The following FBF1 variants were observed in gnomAD, a reference collection of about 807,000 sequenced individuals.
FBF1 encodes the protein Fas binding factor 1, also known as fas-binding factor 1.
FBF1 carries 119 observed loss-of-function variants against 147.2 expected under a neutral mutation model. That is an observed-to-expected ratio of 0.81 (90% CI 0.70 to 0.94). FBF1 has a LOEUF of 0.94. Ranked by LOEUF, FBF1 falls within the 40% of genes least tolerant of loss-of-function variation. The probability of loss-of-function intolerance (pLI) is 0.00; values close to 1 mark genes in which losing one functional copy is unlikely to be tolerated. For synonymous variants in FBF1, 601 were observed against 609.0 expected, an observed-to-expected ratio of 0.99 and a Z score of 0.19; for missense variants, 1,449 against 1,500.8, an observed-to-expected ratio of 0.97 and a Z score of 0.57.
At chr17:75,934,067 C>T (rs2065609701) in intron 4 of FBF1, among the ~76,000 whole-genome samples, 1 of 152,132 alleles carries the variant, frequency 6.6e-6, no homozygotes, top group East Asian at 1.9e-4. Flanking sequence ...CACATGTCCG[C>T]CCAAAAACTA....
intron 28 of FBF1, 77 bp from the exon 29 acceptor site, chr17:75,912,384 G>T: frequency 8.9e-7 from 1 of 1,129,776 alleles, no homozygotes; most frequent in Non-Finnish European, 1.2e-6. Flanking sequence ...TTCCTGCAGA[G>T]CTGCTCCCCC....
rs1255256830 is a variant in FBF1, at chr17:75,923,950, T to C, written c.969-309A>G. ...AAATCAGGCCGAGCACGGTGGCTCA[T>C]GTCTGTAATCCCAGATCTTTGGGAG... On this transcript the variant is annotated intron_variant, in intron 13 of 29. Transcript: ENST00000636174. The surrounding 1 kb of genome is among the most constrained non-coding windows in gnomAD (Gnocchi z 4.1). Among the ~76,000 whole-genome samples, 1 of 152,208 alleles carries C rather than the reference T, an allele frequency of 6.6e-6. No individual in the cohort carries two copies. Among genetic ancestry groups the C allele is most frequent in the East Asian group, 1.9e-4 (1 of 5,174 alleles).
At chr17:75,931,757 T>C (rs1205562927) in intron 5 of FBF1, among the ~76,000 whole-genome samples, 4 of 151,486 alleles carry the variant, frequency 2.6e-5, no homozygotes, top group Admixed American at 2.6e-4. Context: ...CACTCCAGCC[T>C]GGGCGACAGA....
At chr17:75,921,894 T>C in intron 15 of FBF1, 51 bp downstream of exon 15, 4 of 1,463,882 alleles carry the variant, frequency 2.7e-6, no homozygotes, top group Non-Finnish European at 9.3e-7. Context: ...GACAGAGGCC[T>C]GTGCTGCCCA....
chr17:75,932,572 T>C (rs192465127), intron 5 of FBF1, among the ~76,000 whole-genome samples: 8 of 151,840 alleles, frequency 5.3e-5, no homozygotes, highest in African/African-American at 9.7e-5. Context: ...TGTGGTAAAA[T>C]TGTCTTCACT....
At position 75,922,544 on chromosome 17, in the gene FBF1, C is replaced by T. The variant is rs1028989229; in HGVS notation, c.1425-498G>A. Among the ~76,000 whole-genome samples, 2 of 152,166 alleles carry T rather than the reference C, an allele frequency of 1.3e-5. No homozygotes were observed. Among genetic ancestry groups the T allele is most frequent in the African/African-American group, 4.8e-5 (2 of 41,442 alleles). ...AAAACTGCCCTCCTGTCATCAACCC[C>T]AGGACAGGGTGATGTCCCTGGGCTG... On this transcript the variant is annotated intron_variant, in intron 14 of 29. Coordinates refer to ENST00000636174, the MANE Select transcript of FBF1 (RefSeq NM_001319193.2). This position sits in a 1 kb window ranked among gnomAD's most constrained non-coding sequence, Gnocchi z 5.0.
chr17:75,922,976 T>C lies in FBF1; in HGVS notation c.1424+210A>G, dbSNP rs997069373. Among the ~76,000 whole-genome samples, 1 of 152,082 alleles carries C rather than the reference T, an allele frequency of 6.6e-6. No individual in the cohort carries two copies. On this transcript the variant is annotated intron_variant, in intron 14 of 29. Transcript: ENST00000636174. This position sits in a 1 kb window ranked among gnomAD's most constrained non-coding sequence, Gnocchi z 5.0. ...AATGTCAACAGCCCTCCTTCTTGGG[T>C]ATGTCCCTGGGGCAAGCCTGGGAGC... is the stretch of plus-strand genomic sequence containing the variant.
Position 75,928,206 on chromosome 17 carries a change from G to C in FBF1, c.280-13C>G, listed in dbSNP as rs748003573. 2 of 1,610,844 alleles carry C rather than the reference G, an allele frequency of 1.2e-6. No homozygotes were observed. Among genetic ancestry groups the C allele is most frequent in the East Asian group, 4.5e-5 (2 of 44,872 alleles). Reference sequence around the variant, plus strand: ...TGCCGTCCAGGTCCTAGAAAACCAGGGAGGGAGGGCAGAGGACTATGTCTG... The same window carrying C: ...TGCCGTCCAGGTCCTAGAAAACCAGCGAGGGAGGGCAGAGGACTATGTCTG... On this transcript the variant is annotated splice_polypyrimidine_tract_variant and intron_variant, in intron 7 of 29. Coordinates refer to ENST00000636174, the MANE Select transcript of FBF1 (RefSeq NM_001319193.2). This position sits in a 1 kb window ranked among gnomAD's most constrained non-coding sequence, Gnocchi z 4.2.
chr17:75,911,514 T>C (rs2065456581), intron 29 of FBF1, among the ~76,000 whole-genome samples: 1 of 152,052 alleles, frequency 6.6e-6, no homozygotes, highest in Non-Finnish European at 1.5e-5. Context: ...GCCCAGCTAA[T>C]TTTTAAATTT....
chr17:75,937,627 C>T, intron 2 of FBF1, 34 bp from the exon 3 acceptor site: 1 of 1,613,240 alleles, frequency 6.2e-7, no homozygotes, highest in Non-Finnish European at 8.5e-7. Context: ...ATCAAGAAAA[C>T]CAAACAGTGA....
At chr17:75,929,964 C>CCCAAATAAAA in intron 7 of FBF1, 33 bp downstream of exon 7, 1 of 1,402,202 alleles carries the variant, frequency 7.1e-7, no homozygotes, top group Non-Finnish European at 9.9e-7. Context: ...CACCCACCCC[C>CCCAAATAAAA]AGTTCTAAGA....
chr17:75,936,613 T>G (rs1041860867), intron 3 of FBF1, among the ~76,000 whole-genome samples: 1 of 151,948 alleles, frequency 6.6e-6, no homozygotes, highest in Non-Finnish European at 1.5e-5. Context: ...AGGCAGAGGT[T>G]GCAGTGACCT....
At position 75,920,061 on chromosome 17, in the gene FBF1, C is replaced by T. The variant is rs555506169; in HGVS notation, c.1877G>A (p.Gly626Glu). ...LERAQHELLLGSLQQQHQADL... is the reference protein window; with the variant it reads ...LERAQHELLLESLQQQHQADL... ...TGCCTGGTGCTGCTGCTGCAGACTC[C>T]CCAGCAGCAGCTCATGCTGGGCCCG... is the stretch of plus-strand genomic sequence containing the variant. Residue 626 changes from glycine (G) to glutamate (E), a missense_variant, in exon 19 of 30, where the codon GGG becomes GAG. Coordinates refer to ENST00000636174, the MANE Select transcript of FBF1 (RefSeq NM_001319193.2). 7 of 1,599,878 alleles carry T rather than the reference C, an allele frequency of 4.4e-6. No individual in the cohort carries two copies. Among genetic ancestry groups the T allele is most frequent in the Non-Finnish European group, 5.1e-6 (6 of 1,173,826 alleles).
At chr17:75,913,190 C>T (rs141915631) in intron 28 of FBF1, among the ~76,000 whole-genome samples, 2,220 of 145,830 alleles carry the variant, frequency 0.015, 69 homozygotes, top group African/African-American at 0.05. Context: ...GCTCTGTCCC[C>T]TAGGCTGGAG....
chr17:75,910,170 C>G lies in FBF1; in HGVS notation c.*553G>C. ...CTGGGCAAGCCCAGGAGGAGGAGGG[C>G]CTGGCTGAGTTCCAGGAACATCTCA... On this transcript the variant is annotated 3_prime_UTR_variant, in exon 30 of 30. Transcript: ENST00000636174. This position sits in a 1 kb window ranked among gnomAD's most constrained non-coding sequence, Gnocchi z 4.1. The G allele has an allele frequency of 4.9e-6, 2 of 406,168 alleles. No homozygotes were observed. Among genetic ancestry groups the G allele is most frequent in the Non-Finnish European group, 9.6e-6 (2 of 209,394 alleles). The allele number at this position is 406,168 out of a possible 1,614,324, so 25.2% of individuals were successfully genotyped here. A position where few individuals can be genotyped will look rare whatever the true frequency, so the allele number is the denominator to read the frequency against.
intron 23 of FBF1, among the ~76,000 whole-genome samples, chr17:75,916,548 A>T (rs2065490443): frequency 6.6e-6 from 1 of 151,464 alleles, no homozygotes; most frequent in Non-Finnish European, 1.5e-5. Flanking sequence ...TAAGCCAAGG[A>T]GGTCAGGCTG....
At chr17:75,931,912 C>T (rs1244961997) in intron 5 of FBF1, among the ~76,000 whole-genome samples, 6 of 152,146 alleles carry the variant, frequency 3.9e-5, no homozygotes, top group Non-Finnish European at 8.8e-5. Flanking sequence ...AGAACAAACA[C>T]AATTTGAAAA....
Position 75,928,071 on chromosome 17 carries a change from C to A in FBF1, c.397+5G>T. ...ATGCACCTTTCTCACTGGCTACTGA[C>A]CCACCTGCAGGCTTGGGGTGGTTGG... On this transcript the variant is annotated splice_donor_5th_base_variant and intron_variant, in intron 8 of 29. Transcript: ENST00000636174. This position sits in a 1 kb window ranked among gnomAD's most constrained non-coding sequence, Gnocchi z 4.2. 2 of 1,612,082 alleles carry A rather than the reference C, an allele frequency of 1.2e-6. No individual in the cohort carries two copies. The highest frequency in any genetic ancestry group is 1.1e-5 in the South Asian group (1 of 91,000).
At chr17:75,935,366 G>T (rs925761507) in intron 4 of FBF1, among the ~76,000 whole-genome samples, 1 of 151,798 alleles carries the variant, frequency 6.6e-6, no homozygotes, top group Non-Finnish European at 1.5e-5. Flanking sequence ...ATGGGGTTTC[G>T]CCATGTTGGT....
Sources: gnomAD v4.1 joint callset for allele counts (sites outside exome capture counted in the v4.1 genomes callset) on GRCh38, gnomAD v4.1.1 for gene constraint, Gnocchi (gnomAD v3.1) non-coding constraint, MANE v1.5 for transcripts, NCBI Gene and HGNC (gene_info 2026-07-23, HGNC 2026-07-21) for gene names.